RRN3: variants seen among roughly 807,000 people sequenced by gnomAD.
The protein encoded by RRN3 is RNA polymerase I-specific transcription initiation factor RRN3.
A neutral mutation model predicts 82.3 loss-of-function variants in RRN3; 38 were observed. That is an observed-to-expected ratio of 0.46 (90% CI 0.36 to 0.61). The LOEUF (loss-of-function observed/expected upper bound fraction) is 0.61. Among genes scored for constraint, RRN3 ranks in the 20% least tolerant of loss-of-function variants. RRN3 has a pLI of 0.00. For synonymous variants in RRN3, 284 were observed against 284.3 expected, an observed-to-expected ratio of 1.00 and a Z score of 0.01; for missense variants, 726 against 793.1, an observed-to-expected ratio of 0.92 and a Z score of 1.02.
chr16:15,073,869 A>G (rs538923287), intron 11 of RRN3, among the ~76,000 whole-genome samples: 1 of 152,096 alleles, frequency 6.6e-6, no homozygotes, highest in South Asian at 2.1e-4. Flanking sequence ...TGATCCTCCC[A>G]CCTTGGCCTA....
rs374830702 is a variant in RRN3, at chr16:15,065,317, C to A, written c.1608G>T (p.Met536Ile). Residue 536 changes from methionine to isoleucine, a missense_variant, in exon 16 of 18, where the codon ATG (methionine) becomes ATT (isoleucine). By Grantham distance (10) the Met-to-Ile change is conservative. Coordinates refer to ENST00000198767, the MANE Select transcript of RRN3 (RefSeq NM_018427.5). ...CAGCGGTACTCCTAATGACTGGCAGCATCTGGCGATTGTTCCTCTCAATGA... is the reference window on the plus strand; with the variant it reads ...CAGCGGTACTCCTAATGACTGGCAGAATCTGGCGATTGTTCCTCTCAATGA... ...YTIIERNNRQ[M>I]LPVIRSTAGG... 5.6e-6 allele frequency: 9 copies of A among 1,613,680 alleles called. No homozygotes were observed. The highest frequency in any genetic ancestry group is 6.8e-6 in the Non-Finnish European group (8 of 1,179,756).
intron 7 of RRN3, 81 bp from the exon 8 acceptor site, chr16:15,083,663 G>A: frequency 1.9e-6 from 3 of 1,568,450 alleles, no homozygotes; most frequent in East Asian, 2.3e-5. Flanking sequence ...CATTCTAAAA[G>A]CAAATATTGA....
intron 15 of RRN3, among the ~76,000 whole-genome samples, chr16:15,067,592 T>G (rs1055460425): frequency 3.3e-5 from 5 of 150,520 alleles, no homozygotes; most frequent in African/African-American, 1.2e-4. Flanking sequence ...CTATTACTAT[T>G]ACAGGAGTCA....
chr16:15,083,384 G>T, intron 8 of RRN3, 129 bp downstream of exon 8: 1 of 1,418,054 alleles, frequency 7.1e-7, no homozygotes, highest in Non-Finnish European at 9.5e-7. Context: ...GGGCGACAGA[G>T]TGAGACTCGG....
In RRN3 at chr16:15,061,032, A is replaced by G. The variant is rs2044691574; in HGVS notation, c.*712T>C. ...CTGGACCTCCATTTTTGTCTTTTAA[A>G]TCCATTTTTTCGCTGTGCCAAGTAT... is the stretch of plus-strand genomic sequence containing the variant. On this transcript the variant is annotated 3_prime_UTR_variant, in exon 18 of 18. Coordinates refer to ENST00000198767, the MANE Select transcript of RRN3 (RefSeq NM_018427.5). 1 of 152,130 alleles carries G rather than the reference A, an allele frequency of 6.6e-6. No homozygotes were observed. Among genetic ancestry groups the G allele is most frequent in the Non-Finnish European group, 1.5e-5 (1 of 68,042 alleles). The allele number at this position is 152,130 out of a possible 1,614,324, so 9.4% of individuals were successfully genotyped here. A position where few individuals can be genotyped will look rare whatever the true frequency, so the allele number is the denominator to read the frequency against.
At chr16:15,081,870 T>C (rs1437395563) in intron 8 of RRN3, among the ~76,000 whole-genome samples, 1 of 152,238 alleles carries the variant, frequency 6.6e-6, no homozygotes, top group African/African-American at 2.4e-5. Flanking sequence ...TTCTTTTGCA[T>C]GTTCATATCC....
intron 11 of RRN3, 130 bp from the exon 12 acceptor site, chr16:15,073,210 A>T (rs2045309026): frequency 1.9e-6 from 2 of 1,053,826 alleles, no homozygotes; most frequent in Non-Finnish European, 2.8e-6. Flanking sequence ...TCCTGCCTGC[A>T]ATCCCAGCAC....
intron 17 of RRN3, among the ~76,000 whole-genome samples, chr16:15,062,594 A>G (rs2044757956): frequency 6.6e-6 from 1 of 152,208 alleles, no homozygotes; most frequent in Non-Finnish European, 1.5e-5. Flanking sequence ...CTGCGTCTTC[A>G]CCACCCATTC....
chr16:15,079,624 GCT>G (rs1369983865), intron 9 of RRN3, among the ~76,000 whole-genome samples: 1 of 149,308 alleles, frequency 6.7e-6, no homozygotes, highest in Admixed American at 6.7e-5. Context: ...ATGGAGTCTC[GCT>G]CTGTCGCCCA....
intron 5 of RRN3, 132 bp from the exon 6 acceptor site, chr16:15,085,830 C>G (rs549206726): frequency 2.3e-5 from 30 of 1,287,354 alleles, no homozygotes; most frequent in South Asian, 1.1e-4. Context: ...AAAGTTAGCC[C>G]AATGATTAAT....
intron 10 of RRN3, 102 bp downstream of exon 10, chr16:15,076,456 T>C (rs1404452975): frequency 1.2e-6 from 1 of 859,062 alleles, no homozygotes; most frequent in East Asian, 2.5e-5. Flanking sequence ...GCTGAACTAT[T>C]TTAATTCTTT....
chr16:15,081,119 T>C (rs766600540), intron 8 of RRN3, among the ~76,000 whole-genome samples: 9 of 152,228 alleles, frequency 5.9e-5, no homozygotes, highest in East Asian at 1.9e-4. Context: ...TGTTCATCAG[T>C]TGACAGACAT....
chr16:15,077,599 T>C (rs910497345), intron 9 of RRN3, among the ~76,000 whole-genome samples: 3 of 152,152 alleles, frequency 2.0e-5, no homozygotes, highest in African/African-American at 7.2e-5. Flanking sequence ...CCGAGCTCTT[T>C]GGGAGGCCGA....
intron 1 of RRN3, among the ~76,000 whole-genome samples, chr16:15,093,369 A>C (rs1402209910): frequency 6.6e-6 from 1 of 152,144 alleles, no homozygotes; most frequent in Non-Finnish European, 1.5e-5. Context: ...GAAATCTCAA[A>C]AGCTCCTTCT....
At chr16:15,071,726 C>T (rs1412653216) in intron 12 of RRN3, among the ~76,000 whole-genome samples, 1 of 152,170 alleles carries the variant, frequency 6.6e-6, no homozygotes, top group Non-Finnish European at 1.5e-5. Context: ...TGAGATCATG[C>T]CACTACACTC....
At chr16:15,069,169 C>T (rs572196597) in intron 14 of RRN3, among the ~76,000 whole-genome samples, 1 of 152,276 alleles carries the variant, frequency 6.6e-6, no homozygotes, top group South Asian at 2.1e-4. Context: ...GAGACTGCGA[C>T]CCCCGCAGAG....
In RRN3 at chr16:15,094,224, G is replaced by C. The variant is rs755906899; in HGVS notation, c.10C>G (p.Pro4Ala). MAAPLLHTRLPGDA... is the reference protein window; with the variant it reads MAAALLHTRLPGDA... ...CCCGGCAAACGCGTGTGAAGCAGCG[G>C]TGCCGCCATTGGGCCGAACTAACGC... The change falls in exon 1 of 18, where the codon CCG (proline) becomes GCG (alanine). Residue 4 changes from proline to alanine, a missense_variant. Physicochemically the swap from Pro to Ala is conservative, Grantham distance 27 (BLOSUM62 -1). Transcript: ENST00000198767. 2 of 1,590,952 alleles carry C rather than the reference G, an allele frequency of 1.3e-6. No individual in the cohort carries two copies. Among genetic ancestry groups the C allele is most frequent in the Admixed American group, 1.8e-5 (1 of 56,254 alleles).
chr16:15,086,918 C>T (rs1440819941), intron 3 of RRN3, among the ~76,000 whole-genome samples: 1 of 152,278 alleles, frequency 6.6e-6, no homozygotes, highest in East Asian at 1.9e-4. Flanking sequence ...CTTTTCTAAA[C>T]CAAACCTGTG....
intron 3 of RRN3, among the ~76,000 whole-genome samples, chr16:15,090,030 G>A (rs1297039167): frequency 6.6e-6 from 1 of 151,794 alleles, no homozygotes; most frequent in East Asian, 1.9e-4. Context: ...CCAACATGGT[G>A]AAACCCCGTT....
Sources: gnomAD v4.1 joint callset for allele counts (sites outside exome capture counted in the v4.1 genomes callset) on GRCh38, gnomAD v4.1.1 for gene constraint, MANE v1.5 for transcripts, NCBI Gene and HGNC (gene_info 2026-07-23, HGNC 2026-07-21) for gene names.